The following RALB variants were observed in gnomAD, a reference collection of about 807,000 sequenced individuals.
The protein encoded by RALB is RAS like proto-oncogene B.
A neutral mutation model predicts 21.3 loss-of-function variants in RALB; 16 were observed. The observed-to-expected ratio is 0.75, with a 90% CI of 0.51 to 1.14. RALB has a LOEUF of 1.14. Ranked by LOEUF, RALB falls within the 50% of genes most tolerant of loss-of-function variation. The probability of loss-of-function intolerance (pLI) is 0.00; values close to 1 mark genes in which losing one functional copy is unlikely to be tolerated. For synonymous variants in RALB, 93 were observed against 96.1 expected, an observed-to-expected ratio of 0.97 and a Z score of 0.19; for missense variants, 161 against 256.2, an observed-to-expected ratio of 0.63 and a Z score of 2.54.
intron 1 of RALB, among the ~76,000 whole-genome samples, chr2:120,274,777 T>A (rs1187978130): frequency 1.3e-5 from 2 of 152,188 alleles, no homozygotes; most frequent in African/African-American, 2.4e-5. Flanking sequence ...TTCAACTCCA[T>A]CAGGTCTTTC....
intron 1 of RALB, among the ~76,000 whole-genome samples, chr2:120,258,511 G>A (rs1005284514): frequency 2.0e-5 from 3 of 152,202 alleles, no homozygotes; most frequent in Admixed American, 6.5e-5. Context: ...TTTAGCTGCC[G>A]CTCATGGTGA....
intron 1 of RALB, among the ~76,000 whole-genome samples, chr2:120,277,981 G>C (rs1265566401): frequency 1.3e-5 from 2 of 150,784 alleles, no homozygotes; most frequent in Non-Finnish European, 3.0e-5. Context: ...GTGAATAAGA[G>C]CATGTGTGAA....
intron 3 of RALB, among the ~76,000 whole-genome samples, chr2:120,286,719 G>A (rs147530491): frequency 5.5e-4 from 84 of 152,344 alleles, no homozygotes; most frequent in African/African-American, 1.9e-3. Flanking sequence ...ATTAGACTGT[G>A]AATTTCATGT....
At chr2:120,242,316 G>A (rs900106088) in intron 1 of RALB, among the ~76,000 whole-genome samples, 18 of 152,188 alleles carry the variant, frequency 1.2e-4, no homozygotes, top group African/African-American at 4.3e-4. Context: ...AGGGATGGAT[G>A]GTGATGATGG....
upstream of RALB, among the ~76,000 whole-genome samples, chr2:120,252,524 C>T (rs1558944766): frequency 6.6e-6 from 1 of 152,258 alleles, no homozygotes; most frequent in Admixed American, 6.5e-5. Flanking sequence ...CCACAACTGG[C>T]GCCCCACCTT....
At chr2:120,285,626 G>C (rs1172929912) in intron 2 of RALB, among the ~76,000 whole-genome samples, 3 of 151,952 alleles carry the variant, frequency 2.0e-5, no homozygotes, top group African/African-American at 7.3e-5. Context: ...ATTTTATACT[G>C]ACAATAATAT....
intron 1 of RALB, among the ~76,000 whole-genome samples, chr2:120,256,514 G>C (rs1216637885): frequency 3.3e-5 from 5 of 152,080 alleles, no homozygotes; most frequent in Admixed American, 3.3e-4. Flanking sequence ...TCCTGATAGT[G>C]AGTTCTCACG....
At chr2:120,267,936 C>A (rs111295413) in intron 1 of RALB, among the ~76,000 whole-genome samples, 9 of 152,156 alleles carry the variant, frequency 5.9e-5, no homozygotes, top group African/African-American at 2.2e-4. Flanking sequence ...GGATTACAGG[C>A]ACGAGCCACC....
intron 1 of RALB, among the ~76,000 whole-genome samples, chr2:120,261,655 C>T (rs558222631): frequency 1.3e-5 from 2 of 152,232 alleles, no homozygotes; most frequent in African/African-American, 4.8e-5. Context: ...GGTGCAGGTG[C>T]TGAAAACAGT....
At chr2:120,282,310 C>T (rs1690008158) in intron 2 of RALB, among the ~76,000 whole-genome samples, 1 of 152,028 alleles carries the variant, frequency 6.6e-6, no homozygotes, top group Admixed American at 6.6e-5. Flanking sequence ...GAAAACCCAT[C>T]TCTACTAAAA....
chr2:120,281,125 C>G (rs536657775), intron 2 of RALB, among the ~76,000 whole-genome samples: 2 of 152,330 alleles, frequency 1.3e-5, no homozygotes, highest in African/African-American at 4.8e-5. Context: ...CTCAAGGTGT[C>G]AGCTGGGGCT....
chr2:120,250,999 A>G (rs1459952218), upstream of RALB, among the ~76,000 whole-genome samples: 1 of 152,208 alleles, frequency 6.6e-6, no homozygotes, highest in Admixed American at 6.5e-5. Flanking sequence ...TTTCTCAGAA[A>G]GCCCTGTGCA....
intron 1 of RALB, among the ~76,000 whole-genome samples, chr2:120,272,912 T>C (rs1373630635): frequency 6.6e-6 from 1 of 152,230 alleles, no homozygotes; most frequent in African/African-American, 2.4e-5. Context: ...ACCACTAGTC[T>C]TTGAGTTTTT....
At chr2:120,284,657 A>G (rs1023936339) in intron 2 of RALB, among the ~76,000 whole-genome samples, 2 of 152,124 alleles carry the variant, frequency 1.3e-5, no homozygotes. Context: ...GCCCCGGCCT[A>G]AAGTGTACAA....
chr2:120,278,839 C>G (rs1689912280), intron 2 of RALB, 61 bp downstream of exon 2: 1 of 1,390,140 alleles, frequency 7.2e-7, no homozygotes, highest in Admixed American at 2.8e-5. Flanking sequence ...TGTCCCTGCT[C>G]CCGCTGTTTC....
chr2:120,250,201 G>A (rs1689033288), upstream of RALB, among the ~76,000 whole-genome samples: 1 of 152,186 alleles, frequency 6.6e-6, no homozygotes, highest in Non-Finnish European at 1.5e-5. Context: ...GCTAAGCTAT[G>A]TGCAGTAACA....
chr2:120,292,885 AT>A (rs1228486469), intron 4 of RALB, among the ~76,000 whole-genome samples: 35 of 151,874 alleles, frequency 2.3e-4, no homozygotes, highest in African/African-American at 8.4e-4. Flanking sequence ...TGTATGAGAG[AT>A]GTTTGCTTTG....
intron 1 of RALB, among the ~76,000 whole-genome samples, chr2:120,269,008 T>C (rs747033569): frequency 3.9e-5 from 6 of 152,234 alleles, no homozygotes; most frequent in Non-Finnish European, 8.8e-5. Context: ...TCATTGCCAT[T>C]TTGTACCTCC....
At chr2:120,281,075 C>T (rs926785756) in intron 2 of RALB, among the ~76,000 whole-genome samples, 1 of 152,174 alleles carries the variant, frequency 6.6e-6, no homozygotes, top group African/African-American at 2.4e-5. Context: ...AGAATTGGAG[C>T]CTCAGCTGAG....
Sources: gnomAD v4.1 joint callset for allele counts (sites outside exome capture counted in the v4.1 genomes callset) on GRCh38, gnomAD v4.1.1 for gene constraint, MANE v1.5 for transcripts, NCBI Gene and HGNC (gene_info 2026-07-23, HGNC 2026-07-21) for gene names.